Variants in NOP14 observed in about 807,000 individuals in gnomAD.
NOP14 encodes the protein nucleolar protein 14.
Under a neutral mutation model 101.6 loss-of-function variants are expected in NOP14, and 57 were observed. That is an observed-to-expected ratio of 0.56 (90% confidence interval 0.45 to 0.70). The LOEUF (loss-of-function observed/expected upper bound fraction) is 0.70. NOP14 is among the 30% of genes least tolerant of loss of function. The pLI is 0.00. For missense variants in NOP14, 1,134 were observed against 1,075.5 expected (o/e 1.05, Z -0.76); for synonymous variants, 428 against 424.0 (o/e 1.01, Z -0.12).
rs752910630 is a variant in NOP14, at chr4:2,954,518, T to A, written c.518A>T (p.His173Leu). 2 of 1,614,152 alleles carry A rather than the reference T, an allele frequency of 1.2e-6. No homozygotes were observed. The highest frequency in any genetic ancestry group is 8.5e-7 in the Non-Finnish European group (1 of 1,180,028). The change falls in exon 4 of 18, where the codon CAC becomes CTC. Residue 173 changes from histidine to leucine, a missense_variant. By Grantham distance (99) the His-to-Leu change is moderately conservative. Transcript: ENST00000416614. ...AHFGGGGGLL[H>L]KKTQQEGEER... ...CTCGCCTTCCTGTTGAGTCTTCTTGTGAAGGAGCCCACCGCCTCCTCCAAA... is the reference window on the plus strand; with the variant it reads ...CTCGCCTTCCTGTTGAGTCTTCTTGAGAAGGAGCCCACCGCCTCCTCCAAA...
rs372710145 is a variant in NOP14 at position 2,945,108 on chromosome 4, C to A, written c.1737+20G>T. On this transcript the variant is annotated intron_variant, in intron 12 of 17. Transcript: ENST00000416614. Reference sequence around the variant, plus strand: ...CGTGGTGCAGCAGGCCGACCCCTGCCGCATGTGGAGAGAACGCACCTTGGT... The same window carrying A: ...CGTGGTGCAGCAGGCCGACCCCTGCAGCATGTGGAGAGAACGCACCTTGGT... 19 of 1,539,594 alleles carry A rather than the reference C, an allele frequency of 1.2e-5. No individual in the cohort carries two copies. The highest frequency in any genetic ancestry group is 2.4e-5 in the East Asian group (1 of 42,234).
At chr4:2,954,608 G>C in intron 3 of NOP14, 45 bp from the exon 4 acceptor site, 1 of 1,602,032 alleles carries the variant, frequency 6.2e-7, no homozygotes, top group Non-Finnish European at 8.5e-7. Flanking sequence ...CCCAGCCCTG[G>C]CGTGGGAAGT....
intron 2 of NOP14, 38 bp from the exon 3 acceptor site, chr4:2,956,849 T>A: frequency 6.5e-7 from 1 of 1,541,870 alleles, no homozygotes; most frequent in Non-Finnish European, 8.7e-7. Context: ...AAATTACCAC[T>A]TCCATTTCAC....
chr4:2,942,598 G>A (rs1714294050), intron 13 of NOP14, among the ~76,000 whole-genome samples: 1 of 152,306 alleles, frequency 6.6e-6, no homozygotes, highest in Admixed American at 6.5e-5. Context: ...GCTGGCCACA[G>A]ACTTCCTGGG....
chr4:2,955,563 G>A (rs1029371338), intron 3 of NOP14, among the ~76,000 whole-genome samples: 4 of 138,380 alleles, frequency 2.9e-5, no homozygotes, highest in Admixed American at 7.2e-5. Flanking sequence ...TCACCTGCAC[G>A]CCACGGCGCC....
chr4:2,954,929 G>A (rs1715239304), intron 3 of NOP14, among the ~76,000 whole-genome samples: 1 of 152,020 alleles, frequency 6.6e-6, no homozygotes, highest in South Asian at 2.1e-4. Context: ...TGCAATCTGT[G>A]TCCCTCCCAC....
At chr4:2,944,006 G>T in intron 13 of NOP14, 67 bp downstream of exon 13, 2 of 1,310,086 alleles carry the variant, frequency 1.5e-6, no homozygotes, top group South Asian at 2.8e-5. Context: ...TCTACAATGA[G>T]TATGAACTAC....
chr4:2,945,316 AG>A lies in NOP14; in HGVS notation c.1636-88del, dbSNP rs1714542145. ...CCGCAAACACTCCGGAGCCAAGAAC[AG>A]GATCTGGCGAGGAGAGGGTGCATCT... On this transcript the variant is annotated intron_variant, in intron 11 of 17. Transcript: ENST00000416614. The A allele has an allele frequency of 3.0e-5, 30 of 1,006,550 alleles. 1 individual carries two copies. In the South Asian group the frequency reaches 4.1e-4, roughly 14 times the overall value. The allele number at this position is 1,006,550 out of a possible 1,614,324, so 62.4% of individuals were successfully genotyped here.
chr4:2,957,731 T>G lies in NOP14; in HGVS notation c.205A>C (p.Thr69Pro). 6.2e-7 allele frequency: 1 copy of G among 1,613,764 alleles called. No homozygotes were observed. The highest frequency in any genetic ancestry group is 8.5e-7 in the Non-Finnish European group (1 of 1,179,888). ...CTTTCTTTGTACTCTTTTAGTAAAGTCTGTGTACGCTGGAAAACAGGTCAG... is the reference window on the plus strand; with the variant it reads ...CTTTCTTTGTACTCTTTTAGTAAAGGCTGTGTACGCTGGAAAACAGGTCAG... The part of the protein sequence containing the change: ...RARALRKRTQ[T>P]LLKEYKERDK... Residue 69 changes from threonine to proline, a missense_variant, in exon 2 of 18, where the codon ACT becomes CCT. Transcript: ENST00000416614.
At position 2,946,068 on chromosome 4, in the gene NOP14, C is replaced by T. The variant is rs1292803591; in HGVS notation, c.1635+344G>A. On this transcript the variant is annotated intron_variant, in intron 11 of 17. Coordinates refer to ENST00000416614, the MANE Select transcript of NOP14 (RefSeq NM_001291978.2). Reference sequence around the variant, plus strand: ...TCTCACTCCAGATCACCCTCACTGCCGTGCACTCTCACTCCAGATCACCCT... The same window carrying T: ...TCTCACTCCAGATCACCCTCACTGCTGTGCACTCTCACTCCAGATCACCCT... Among the ~76,000 whole-genome samples the T allele has an allele frequency of 4.1e-5, 4 of 98,638 alleles. No individual in the cohort carries two copies. In the East Asian group the frequency reaches 1.3e-3, roughly 33 times the overall value. The allele number at this position is 98,638 out of a possible 152,430, so 64.7% of individuals were successfully genotyped here. A position where few individuals can be genotyped will look rare whatever the true frequency, so the allele number is the denominator to read the frequency against.
Position 2,943,964 on chromosome 4 carries a change from G to A in NOP14, c.1891+109C>T, listed in dbSNP as rs946355313. 2.6e-5 allele frequency: 23 copies of A among 872,418 alleles called. No homozygotes were observed. In the African/African-American group the frequency reaches 3.6e-4, roughly 14 times the overall value. The allele number at this position is 872,418 out of a possible 1,614,324, so 54.0% of individuals were successfully genotyped here. On this transcript the variant is annotated intron_variant, in intron 13 of 17. Transcript: ENST00000416614. The stretch of plus-strand genomic sequence containing the variant: ...GACAGTGCGGCGGGTGGCAGGTTGT[G>A]TGTTTCCTCTACTTTCGCATATTCT...
chr4:2,939,993 CCAGA>C lies in NOP14; in HGVS notation c.2200-352_2200-349del, dbSNP rs35935100. 4.6e-3 allele frequency among the ~76,000 whole-genome samples: 702 copies of C among 152,324 alleles called. 5 individuals are homozygous for C. Among genetic ancestry groups the C allele is most frequent in the South Asian group, 0.019 (92 of 4,822 alleles). On this transcript the variant is annotated intron_variant, in intron 15 of 17. Coordinates refer to ENST00000416614, the MANE Select transcript of NOP14 (RefSeq NM_001291978.2). ...GAAACGTCAACAGAACCCCTCTTTC[CCAGA>C]CAAACTTGGCACGAAAGGCCGTGAG...
intron 10 of NOP14, chr4:2,947,293 T>G (rs1714721990): frequency 3.6e-6 from 2 of 552,402 alleles, no homozygotes; most frequent in Non-Finnish European, 3.2e-6. Context: ...CAAAATCAAC[T>G]TGTTTGTGGT....
chr4:2,951,507 GC>G (rs1451864715), intron 6 of NOP14, among the ~76,000 whole-genome samples: 1 of 152,204 alleles, frequency 6.6e-6, no homozygotes, highest in Non-Finnish European at 1.5e-5. Context: ...TTATTCTGAG[GC>G]CTTCACAGCC....
At position 2,952,401 on chromosome 4, in the gene NOP14, A is replaced by G. The variant is rs2109307365; in HGVS notation, c.748-4T>C. On this transcript the variant is annotated splice_region_variant and splice_polypyrimidine_tract_variant and intron_variant, in intron 5 of 17. Coordinates refer to ENST00000416614, the MANE Select transcript of NOP14 (RefSeq NM_001291978.2). ...CCATCATGTCATATGCATCGGGCTA[A>G]GGTAGAAAGAAGAAATTCTTCATTT... is the stretch of plus-strand genomic sequence containing the variant. 6.4e-7 allele frequency: 1 copy of G among 1,573,770 alleles called. No individual in the cohort carries two copies. Among genetic ancestry groups the G allele is most frequent in the Non-Finnish European group, 8.6e-7 (1 of 1,163,542 alleles).
chr4:2,942,879 A>G (rs73794827), intron 13 of NOP14, among the ~76,000 whole-genome samples: 1,563 of 152,272 alleles, frequency 0.01, 28 homozygotes, highest in African/African-American at 0.036. Flanking sequence ...GAGAAGGGCA[A>G]TCCAGGCCGA....
intron 7 of NOP14, chr4:2,950,562 C>G (rs571815185): frequency 1.1e-4 from 35 of 314,222 alleles, no homozygotes; most frequent in Middle Eastern, 2.0e-3. Context: ...TCCAGGTAAC[C>G]TAGTGTTTTT....
Position 2,947,617 on chromosome 4 carries a change from G to A in NOP14, c.1414-6C>T. 1 of 1,612,686 alleles carries A rather than the reference G, an allele frequency of 6.2e-7. No homozygotes were observed. Among genetic ancestry groups the A allele is most frequent in the Non-Finnish European group, 8.5e-7 (1 of 1,178,824 alleles). On this transcript the variant is annotated splice_region_variant and splice_polypyrimidine_tract_variant and intron_variant, in intron 9 of 17. Coordinates refer to ENST00000416614, the MANE Select transcript of NOP14 (RefSeq NM_001291978.2). ...AAAAGAAAGCCAAACAGTTTCTGCA[G>A]GAACATGAATTGGGAAATAAAGCTC...
Position 2,950,114 on chromosome 4 carries a change from C to T in NOP14, c.1102G>A (p.Glu368Lys). 1 of 1,614,066 alleles carries T rather than the reference C, an allele frequency of 6.2e-7. No homozygotes were observed. ...GGGCTGTCGCTCTCCTCTGTGTCCTCCCCGCCTGAACTGTCACCTTCTTCC... is the reference window on the plus strand; with the variant it reads ...GGGCTGTCGCTCTCCTCTGTGTCCTTCCCGCCTGAACTGTCACCTTCTTCC... ...NEEEGDSSGG[E>K]DTEESDSPDS... is the part of the protein sequence containing the mutation. Residue 368 changes from glutamate to lysine, a missense_variant, in exon 8 of 18, where the codon GAG becomes AAG. Coordinates refer to ENST00000416614, the MANE Select transcript of NOP14 (RefSeq NM_001291978.2).
Sources: allele counts gnomAD v4.1 joint callset (sites outside exome capture counted in the v4.1 genomes callset), GRCh38; gene constraint gnomAD v4.1.1; transcripts MANE v1.5; gene names NCBI Gene and HGNC (gene_info 2026-07-23, HGNC 2026-07-21).